ROBO2: variants seen among roughly 807,000 people sequenced by gnomAD.
The protein encoded by ROBO2 is roundabout guidance receptor 2.
ROBO2 carries 53 observed loss-of-function variants against 160.8 expected under a neutral mutation model. The observed-to-expected ratio is 0.33, with a 90% CI of 0.26 to 0.41. The LOEUF (loss-of-function observed/expected upper bound fraction) is 0.41, where lower values mean the gene tolerates loss of function less well. ROBO2 is among the 10% of genes least tolerant of loss of function. ROBO2 has a pLI of 1.00. For missense variants in ROBO2, 1,577 were observed against 1,722.4 expected, an observed-to-expected ratio of 0.92 and a Z score of 1.49; for synonymous variants, 664 against 611.7, an observed-to-expected ratio of 1.09 and a Z score of -1.26.
chr3:76,101,479 T>C (rs183844210), intron 2 of ROBO2, among the ~76,000 whole-genome samples: 25 of 152,280 alleles, frequency 1.6e-4, no homozygotes, highest in South Asian at 4.1e-4. Flanking sequence ...GCTGGAGATA[T>C]ACATTTTGGA....
At chr3:76,475,246 G>C (rs900845109) in intron 2 of ROBO2, among the ~76,000 whole-genome samples, 1 of 152,102 alleles carries the variant, frequency 6.6e-6, no homozygotes, top group Non-Finnish European at 1.5e-5. Flanking sequence ...TGGTAAACAG[G>C]TTTAAAGCAG....
chr3:76,013,757 G>A (rs774276464), intron 2 of ROBO2, among the ~76,000 whole-genome samples: 5 of 151,024 alleles, frequency 3.3e-5, no homozygotes, highest in African/African-American at 1.2e-4. Flanking sequence ...TGGCAACTGG[G>A]CACGGTGGTC....
At chr3:76,497,779 A>G (rs1372145938) in intron 2 of ROBO2, among the ~76,000 whole-genome samples, 2 of 152,134 alleles carry the variant, frequency 1.3e-5, no homozygotes, top group African/African-American at 4.8e-5. Flanking sequence ...AACAGGAAAT[A>G]ATTCTTCCCA....
intron 2 of ROBO2, among the ~76,000 whole-genome samples, chr3:77,171,234 A>T (rs970119749): frequency 1.3e-5 from 2 of 152,182 alleles, no homozygotes; most frequent in Non-Finnish European, 2.9e-5. Flanking sequence ...ACAACAAGAG[A>T]GGAAAGCACT....
intron 2 of ROBO2, among the ~76,000 whole-genome samples, chr3:76,260,171 T>C (rs1379404947): frequency 4.6e-5 from 7 of 152,130 alleles, no homozygotes; most frequent in Non-Finnish European, 1.0e-4. Flanking sequence ...AGGATAAGTG[T>C]ATGCGGAATC....
chr3:75,918,791 G>A (rs1946913165), intron 1 of ROBO2, among the ~76,000 whole-genome samples: 1 of 152,002 alleles, frequency 6.6e-6, no homozygotes, highest in East Asian at 1.9e-4. Context: ...TTTCTTTATA[G>A]CAGTTGTGAA....
chr3:77,143,170 G>A (rs977566603), intron 2 of ROBO2, among the ~76,000 whole-genome samples: 1 of 126,892 alleles, frequency 7.9e-6, no homozygotes, highest in Non-Finnish European at 1.6e-5. Context: ...TTCTTAAACA[G>A]CAGCTTTTTT....
chr3:77,596,000 T>G (rs2094294267), intron 18 of ROBO2, among the ~76,000 whole-genome samples: 1 of 152,096 alleles, frequency 6.6e-6, no homozygotes, highest in African/African-American at 2.4e-5. Flanking sequence ...TGAAGGAAAT[T>G]TTACTTATAG....
chr3:77,423,888 A>G (rs1390844968), intron 2 of ROBO2, among the ~76,000 whole-genome samples: 1 of 152,180 alleles, frequency 6.6e-6, no homozygotes, highest in Admixed American at 6.5e-5. Flanking sequence ...AGAGCTTATT[A>G]ACATGATTGG....
intron 2 of ROBO2, among the ~76,000 whole-genome samples, chr3:77,119,428 G>A (rs953254715): frequency 1.3e-5 from 2 of 152,128 alleles, no homozygotes; most frequent in Admixed American, 1.3e-4. Flanking sequence ...TCATTACATG[G>A]TGTATGACTG....
chr3:76,297,672 C>A (rs375638375), intron 2 of ROBO2, among the ~76,000 whole-genome samples: 15 of 37,700 alleles, frequency 4.0e-4, no homozygotes, highest in Admixed American at 8.7e-4. Flanking sequence ...AAAAAAAGAT[C>A]AAAGTACTTG....
intron 2 of ROBO2, among the ~76,000 whole-genome samples, chr3:77,448,601 A>G (rs764935049): frequency 6.6e-6 from 1 of 151,874 alleles, no homozygotes; most frequent in Non-Finnish European, 1.5e-5. Flanking sequence ...TATTATGCGT[A>G]AGGACAGGTA....
chr3:76,244,121 A>T (rs1291056788), intron 2 of ROBO2, among the ~76,000 whole-genome samples: 1 of 152,192 alleles, frequency 6.6e-6, no homozygotes, highest in Non-Finnish European at 1.5e-5. Flanking sequence ...ATGGATTATT[A>T]TTCTTTTCTA....
intron 2 of ROBO2, among the ~76,000 whole-genome samples, chr3:77,459,141 G>A (rs2081987495): frequency 6.6e-6 from 1 of 152,118 alleles, no homozygotes; most frequent in African/African-American, 2.4e-5. Context: ...ACAAGCTACT[G>A]GCTTTTTTCT....
chr3:76,260,495 A>C (rs1399671788), intron 2 of ROBO2, among the ~76,000 whole-genome samples: 1 of 152,166 alleles, frequency 6.6e-6, no homozygotes, highest in Non-Finnish European at 1.5e-5. Context: ...AAATATTTCA[A>C]GATCATTTTC....
intron 2 of ROBO2, among the ~76,000 whole-genome samples, chr3:77,343,550 G>T (rs1335200639): frequency 6.6e-6 from 1 of 152,034 alleles, no homozygotes; most frequent in Non-Finnish European, 1.5e-5. Context: ...ATATGCAGGG[G>T]GATACAGACT....
intron 2 of ROBO2, among the ~76,000 whole-genome samples, chr3:77,348,662 C>G (rs943118054): frequency 2.0e-5 from 3 of 152,116 alleles, no homozygotes; most frequent in Non-Finnish European, 2.9e-5. Flanking sequence ...AGAATATGTC[C>G]AGATTGCGTT....
At chr3:76,915,839 TACTC>T (rs979128063) in intron 2 of ROBO2, among the ~76,000 whole-genome samples, 2 of 152,154 alleles carry the variant, frequency 1.3e-5, no homozygotes, top group African/African-American at 4.8e-5. Context: ...AAATGTTTAT[TACTC>T]ACGGTTCTGG....
At chr3:76,410,958 T>G (rs2075455288) in intron 2 of ROBO2, among the ~76,000 whole-genome samples, 1 of 152,134 alleles carries the variant, frequency 6.6e-6, no homozygotes, top group African/African-American at 2.4e-5. Flanking sequence ...AGAGTGAGTG[T>G]AATAAATCCT....
Sources: gnomAD v4.1 joint callset for allele counts (sites outside exome capture counted in the v4.1 genomes callset) on GRCh38, gnomAD v4.1.1 for gene constraint, MANE v1.5 for transcripts, NCBI Gene and HGNC (gene_info 2026-07-23, HGNC 2026-07-21) for gene names.